HEMK2: variants seen among roughly 807,000 people sequenced by gnomAD.
HEMK2 encodes HemK methyltransferase 2, ETF1 glutamine and histone H4 lysine.
the HEMK2 span, among the ~76,000 whole-genome samples, chr21:28,576,864 C>A: frequency 6.6e-6 from 1 of 152,122 alleles, no homozygotes; most frequent in Non-Finnish European, 1.5e-5. Context: ...GCGCCTGCCA[C>A]CATACCTGGC....
the HEMK2 span, among the ~76,000 whole-genome samples, chr21:28,702,136 G>T: frequency 2.0e-5 from 3 of 152,202 alleles, no homozygotes; most frequent in South Asian, 2.1e-4. Flanking sequence ...ATATGCAGAA[G>T]ATTGAAACTG....
chr21:28,855,849 G>C, the HEMK2 span, among the ~76,000 whole-genome samples: 1 of 152,214 alleles, frequency 6.6e-6, no homozygotes, highest in Middle Eastern at 3.4e-3. Context: ...CAGAATCTCT[G>C]GGACACAGCT....
the HEMK2 span, among the ~76,000 whole-genome samples, chr21:28,793,766 C>G: frequency 6.6e-6 from 1 of 152,088 alleles, no homozygotes; most frequent in Non-Finnish European, 1.5e-5. Flanking sequence ...AAATCTAACA[C>G]AAGTGCTTTA....
chr21:28,784,323 C>T, the HEMK2 span, among the ~76,000 whole-genome samples: 1 of 152,084 alleles, frequency 6.6e-6, no homozygotes, highest in Non-Finnish European at 1.5e-5. Flanking sequence ...ACACACCAAT[C>T]AGCACCCTGT....
chr21:28,610,268 A>G, the HEMK2 span, among the ~76,000 whole-genome samples: 53 of 152,352 alleles, frequency 3.5e-4, no homozygotes, highest in African/African-American at 1.3e-3. Context: ...CTTAAACAAA[A>G]CAATTATTAG....
chr21:28,643,524 T>A, the HEMK2 span, among the ~76,000 whole-genome samples: 560 of 151,828 alleles, frequency 3.7e-3, 4 homozygotes, highest in African/African-American at 0.013. Flanking sequence ...GAGAAAAAAA[T>A]TAAAAATTAT....
the HEMK2 span, among the ~76,000 whole-genome samples, chr21:28,708,395 A>C: frequency 3.9e-5 from 6 of 152,220 alleles, no homozygotes; most frequent in African/African-American, 1.4e-4. Context: ...CTTATGTAGT[A>C]AATGATTATA....
At chr21:28,733,466 T>C in the HEMK2 span, among the ~76,000 whole-genome samples, 1 of 152,078 alleles carries the variant, frequency 6.6e-6, no homozygotes, top group Non-Finnish European at 1.5e-5. Context: ...AAACATCCAA[T>C]AACTGCCTCT....
chr21:28,879,541 G>C, the HEMK2 span, among the ~76,000 whole-genome samples: 1 of 152,206 alleles, frequency 6.6e-6, no homozygotes, highest in African/African-American at 2.4e-5. Flanking sequence ...CACTCGGCCA[G>C]TTAAAACCTT....
At chr21:28,747,214 GAA>G in the HEMK2 span, among the ~76,000 whole-genome samples, 3 of 152,222 alleles carry the variant, frequency 2.0e-5, no homozygotes, top group Admixed American at 6.5e-5. Context: ...CCTGGGAGGA[GAA>G]AGTTTCTGGG....
At chr21:28,854,436 A>G in the HEMK2 span, among the ~76,000 whole-genome samples, 41 of 67,574 alleles carry the variant, frequency 6.1e-4, no homozygotes, top group African/African-American at 2.5e-3. Context: ...CACTCCTGGT[A>G]CCAAAATCTG....
chr21:28,689,418 C>CT, the HEMK2 span, among the ~76,000 whole-genome samples: 10 of 151,284 alleles, frequency 6.6e-5, no homozygotes, highest in Admixed American at 2.0e-4. Flanking sequence ...TCTTTTTTGT[C>CT]TTTTTTTTTC....
chr21:28,580,424 G>C, the HEMK2 span, among the ~76,000 whole-genome samples: 5 of 152,070 alleles, frequency 3.3e-5, no homozygotes, highest in Non-Finnish European at 7.4e-5. Flanking sequence ...TCTCCAACAA[G>C]TGGCTCTCTG....
the HEMK2 span, among the ~76,000 whole-genome samples, chr21:28,813,560 A>T: frequency 6.6e-6 from 1 of 152,340 alleles, no homozygotes; most frequent in East Asian, 1.9e-4. Flanking sequence ...CTTTCTTCAC[A>T]GAATAAGAAA....
At chr21:28,877,060 G>A in the HEMK2 span, among the ~76,000 whole-genome samples, 111 of 25,130 alleles carry the variant, frequency 4.4e-3, 2 homozygotes, top group African/African-American at 0.02. Flanking sequence ...GGGAGGGAGG[G>A]AAGGAGGGAG....
the HEMK2 span, chr21:28,885,362 C>CCATGCGCGTGCGCAGGGCGTGCG: frequency 9.8e-6 from 15 of 1,535,504 alleles, no homozygotes; most frequent in African/African-American, 9.7e-5. Flanking sequence ...TCGCTGCGTT[C>CCATGCGCGTGCGCAGGGCGTGCG]CATGCGCGTG....
At chr21:28,844,008 T>C in the HEMK2 span, among the ~76,000 whole-genome samples, 9 of 152,140 alleles carry the variant, frequency 5.9e-5, no homozygotes, top group African/African-American at 1.9e-4. Context: ...AGTCAAAGTT[T>C]TAATAATCTA....
chr21:28,660,742 T>G, the HEMK2 span, among the ~76,000 whole-genome samples: 2 of 152,030 alleles, frequency 1.3e-5, no homozygotes, highest in Non-Finnish European at 2.9e-5. Flanking sequence ...AATCAAAGTT[T>G]GGAGAACATC....
the HEMK2 span, among the ~76,000 whole-genome samples, chr21:28,614,913 T>C: frequency 6.6e-6 from 1 of 152,198 alleles, no homozygotes; most frequent in Non-Finnish European, 1.5e-5. Context: ...GCATTGCTTT[T>C]TCAGTGAGGC....
Sources: gnomAD v4.1 joint callset for allele counts (sites outside exome capture counted in the v4.1 genomes callset) on GRCh38, gnomAD v4.1.1 for gene constraint, MANE v1.5 for transcripts, NCBI Gene and HGNC (gene_info 2026-07-23, HGNC 2026-07-21) for gene names.